The following IFT122 variants were observed in gnomAD, a reference collection of about 807,000 sequenced individuals.
IFT122 encodes intraflagellar transport protein 122 homolog.
IFT122 carries 118 observed loss-of-function variants against 161.6 expected under a neutral mutation model. The observed-to-expected ratio is 0.73, with a 90% CI of 0.63 to 0.85. IFT122 has a LOEUF of 0.85. Ranked by LOEUF, IFT122 falls within the 40% of genes least tolerant of loss-of-function variation. The pLI, the probability that IFT122 is intolerant of heterozygous loss-of-function variation, is 0.00. For missense variants in IFT122, 1,381 were observed against 1,579.6 expected, an observed-to-expected ratio of 0.87 and a Z score of 2.13; for synonymous variants, 550 against 602.4, an observed-to-expected ratio of 0.91 and a Z score of 1.27.
intron 7 of IFT122, 90 bp from the exon 8 acceptor site, chr3:129,466,800 G>A: frequency 3.9e-6 from 5 of 1,281,856 alleles, no homozygotes; most frequent in South Asian, 3.6e-5. Context: ...ACTGCACCTG[G>A]CCCCCAGGGG....
At position 129,483,035 on chromosome 3, in the gene IFT122, G is replaced by C. The variant is rs550812799; in HGVS notation, c.1654-450G>C. The stretch of plus-strand genomic sequence containing the variant: ...GGCAGGCTAGGGGAGGTGATTCTCA[G>C]CCCTGCCAGGAGACATCAGCATTCC... On this transcript the variant is annotated intron_variant, in intron 14 of 29. Transcript: ENST00000348417. 2.0e-3 allele frequency among the ~76,000 whole-genome samples: 297 copies of C among 152,208 alleles called. 1 individual carries two copies. Among genetic ancestry groups the C allele is most frequent in the African/African-American group, 6.2e-3 (259 of 41,524 alleles).
At chr3:129,452,611 G>A (rs188923356) in intron 3 of IFT122, among the ~76,000 whole-genome samples, 1 of 152,268 alleles carries the variant, frequency 6.6e-6, no homozygotes, top group East Asian at 1.9e-4. Context: ...GCTAGGAGCT[G>A]GATCAAAGAG....
At position 129,479,793 on chromosome 3, in the gene IFT122, G is replaced by T. The variant is rs1163460795; in HGVS notation, c.1359G>T (p.Arg453=). 1 of 1,614,018 alleles carries T rather than the reference G, an allele frequency of 6.2e-7. No individual in the cohort carries two copies. The highest frequency in any genetic ancestry group is 2.2e-5 in the East Asian group (1 of 44,886). Residue 453 remains arginine, a synonymous_variant, in exon 13 of 30, where the codon CGG becomes CGT. Transcript: ENST00000348417. ...CTGGGTTTGCTTCCTAGGAGAAACG[G>T]CTGCAGTGCCTGTCCTTCAGCGGAG... is the stretch of plus-strand genomic sequence containing the variant. ...ANHIILCQEK[R]LQCLSFSGVK... is the part of the protein sequence containing the mutation.
chr3:129,451,362 A>G (rs118174944), intron 2 of IFT122, among the ~76,000 whole-genome samples: 1,738 of 152,128 alleles, frequency 0.011, 93 homozygotes, highest in East Asian at 0.081. Flanking sequence ...GTTTCAAGCA[A>G]TCCTCCCACT....
At chr3:129,479,679 G>A in intron 12 of IFT122, 106 bp from the exon 13 acceptor site, 1 of 1,355,226 alleles carries the variant, frequency 7.4e-7, no homozygotes, top group South Asian at 1.2e-5. Flanking sequence ...GATGGATACT[G>A]AATGTGTAGG....
At chr3:129,443,930 TATG>T (rs1031933236) in intron 1 of IFT122, among the ~76,000 whole-genome samples, 2 of 152,172 alleles carry the variant, frequency 1.3e-5, no homozygotes, top group African/African-American at 4.8e-5. Context: ...AAATGACCCT[TATG>T]AAGAAGAGGT....
chr3:129,448,547 G>T (rs542594894), intron 1 of IFT122, among the ~76,000 whole-genome samples: 352 of 152,200 alleles, frequency 2.3e-3, no homozygotes, highest in Non-Finnish European at 3.8e-3. Context: ...CATGTTGCCC[G>T]TTTCTTTACT....
At chr3:129,463,532 T>A (rs565916911) in intron 5 of IFT122, 28 bp from the exon 6 acceptor site, 1 of 1,598,770 alleles carries the variant, frequency 6.3e-7, no homozygotes, top group South Asian at 1.1e-5. Flanking sequence ...AACCAATCCA[T>A]CTTCTTTTAT....
intron 14 of IFT122, 86 bp downstream of exon 14, chr3:129,481,780 G>C: frequency 6.8e-7 from 1 of 1,471,974 alleles, no homozygotes; most frequent in Non-Finnish European, 9.5e-7. Flanking sequence ...AGGCTCTCCT[G>C]CTCTGGCCCA....
intron 14 of IFT122, among the ~76,000 whole-genome samples, chr3:129,483,080 T>A (rs1179253706): frequency 1.3e-5 from 2 of 152,216 alleles, no homozygotes; most frequent in Non-Finnish European, 2.9e-5. Context: ...CATTGCCTGC[T>A]GGCTTTTCCT....
At chr3:129,476,538 T>C in intron 10 of IFT122, 32 bp downstream of exon 10, 1 of 1,613,898 alleles carries the variant, frequency 6.2e-7, no homozygotes, top group African/African-American at 1.3e-5. Context: ...TGTGGGGCCA[T>C]GGCTTGAAGA....
chr3:129,444,563 C>A (rs1034571263), intron 1 of IFT122, among the ~76,000 whole-genome samples: 1 of 151,696 alleles, frequency 6.6e-6, no homozygotes, highest in East Asian at 1.9e-4. Flanking sequence ...CGCTCTGTTG[C>A]CAGGCTGGAG....
intron 3 of IFT122, chr3:129,452,356 T>A (rs749566983): frequency 3.7e-6 from 1 of 271,892 alleles, no homozygotes; most frequent in Non-Finnish European, 7.0e-6. Context: ...TGCTGGAAGG[T>A]GATAACTGTT....
At chr3:129,514,051 C>A in intron 24 of IFT122, 1 of 394,196 alleles carries the variant, frequency 2.5e-6, no homozygotes, top group South Asian at 2.0e-5. Flanking sequence ...TGCCAGGCAT[C>A]CTAGGAGGGC....
At chr3:129,497,329 C>T (rs1158776466) in intron 18 of IFT122, among the ~76,000 whole-genome samples, 3 of 152,222 alleles carry the variant, frequency 2.0e-5, no homozygotes, top group Admixed American at 2.0e-4. Context: ...CAGTTTCTTT[C>T]TGTGGGATGA....
intron 7 of IFT122, among the ~76,000 whole-genome samples, chr3:129,465,572 G>A (rs192768348): frequency 9.5e-5 from 14 of 146,638 alleles, no homozygotes; most frequent in Admixed American, 7.0e-4. Context: ...TCGGGTTCAC[G>A]CAGTTCTCCT....
chr3:129,496,379 C>T (rs548608749), intron 18 of IFT122, among the ~76,000 whole-genome samples: 9 of 152,312 alleles, frequency 5.9e-5, no homozygotes, highest in Admixed American at 2.0e-4. Context: ...CTTCGGTACA[C>T]TGGGCAATGA....
At chr3:129,519,804 G>A in intron 29 of IFT122, 72 bp downstream of exon 29, 1 of 1,577,828 alleles carries the variant, frequency 6.3e-7, no homozygotes, top group Non-Finnish European at 8.7e-7. Context: ...GTCCCTCTGG[G>A]AGGCGTGGCC....
chr3:129,476,294 C>T, intron 9 of IFT122, 21 bp from the exon 10 acceptor site: 1 of 1,613,812 alleles, frequency 6.2e-7, no homozygotes, highest in Non-Finnish European at 8.5e-7. Flanking sequence ...TTTTCCCTTG[C>T]TGTGTGTTCT....
Sources: allele counts gnomAD v4.1 joint callset (sites outside exome capture counted in the v4.1 genomes callset), GRCh38; gene constraint gnomAD v4.1.1; transcripts MANE v1.5; gene names NCBI Gene and HGNC (gene_info 2026-07-23, HGNC 2026-07-21).